SPMAP2: variants seen among roughly 807,000 people sequenced by gnomAD.
SPMAP2 encodes the protein sperm microtubule associated protein 2, also known as Theg homolog.
the SPMAP2 span, chr19:373,417 C>G: frequency 6.3e-7 from 1 of 1,589,002 alleles, no homozygotes; most frequent in Non-Finnish European, 8.6e-7. Context: ...GGCAGGTTCC[C>G]TGGAGGCCGG....
At chr19:371,758 G>A in the SPMAP2 span, among the ~76,000 whole-genome samples, 1 of 152,212 alleles carries the variant, frequency 6.6e-6, no homozygotes, top group Non-Finnish European at 1.5e-5. Context: ...GCTGGGGAAA[G>A]CGAAGGACAG....
At chr19:371,551 A>G in the SPMAP2 span, among the ~76,000 whole-genome samples, 7 of 152,224 alleles carry the variant, frequency 4.6e-5, no homozygotes, top group African/African-American at 1.7e-4. Flanking sequence ...AATTTCTAAG[A>G]GTTCTCAAGT....
the SPMAP2 span, among the ~76,000 whole-genome samples, chr19:371,760 G>A: frequency 5.9e-5 from 9 of 152,216 alleles, no homozygotes; most frequent in African/African-American, 1.2e-4. Context: ...TGGGGAAAGC[G>A]AAGGACAGCT....
chr19:374,413 G>A, the SPMAP2 span: 1 of 1,613,958 alleles, frequency 6.2e-7, no homozygotes, highest in African/African-American at 1.3e-5. Context: ...CTGGCTGATG[G>A]ACAGCCGGCT....
At chr19:373,398 A>G in the SPMAP2 span, 16 of 1,453,248 alleles carry the variant, frequency 1.1e-5, no homozygotes, top group Non-Finnish European at 1.5e-5. Context: ...AAGTATCTAG[A>G]TGGGGCGGGG....
the SPMAP2 span, among the ~76,000 whole-genome samples, chr19:371,633 A>G: frequency 1.3e-5 from 2 of 152,108 alleles, no homozygotes; most frequent in Non-Finnish European, 2.9e-5. Context: ...GGCCTTCTCC[A>G]TTCCCTTCTG....
the SPMAP2 span, among the ~76,000 whole-genome samples, chr19:363,440 G>A: frequency 6.1e-3 from 933 of 152,172 alleles, 8 homozygotes; most frequent in African/African-American, 0.021. Context: ...CGATCCGCCC[G>A]CCTCAGCCTC....
At chr19:374,104 AG>A in the SPMAP2 span, 2 of 1,489,216 alleles carry the variant, frequency 1.3e-6, no homozygotes, top group South Asian at 1.2e-5. Flanking sequence ...CACCGCCCAG[AG>A]GGCCACCGTT....
the SPMAP2 span, chr19:374,494 G>A: frequency 2.2e-5 from 35 of 1,595,512 alleles, no homozygotes; most frequent in Non-Finnish European, 2.8e-5. Flanking sequence ...AGAGAAGCGT[G>A]GGTCTTGCTC....
chr19:372,581 T>TCCCC, the SPMAP2 span: 1 of 1,577,956 alleles, frequency 6.3e-7, no homozygotes, highest in Non-Finnish European at 8.7e-7. Flanking sequence ...AATAAGGCAT[T>TCCCC]TCTGCCAAAC....
chr19:367,555 T>C, the SPMAP2 span, among the ~76,000 whole-genome samples: 2 of 152,190 alleles, frequency 1.3e-5, no homozygotes, highest in African/African-American at 2.4e-5. Context: ...CTCACAAATT[T>C]GGCAACAATG....
chr19:366,119 G>A, the SPMAP2 span, among the ~76,000 whole-genome samples: 26 of 151,700 alleles, frequency 1.7e-4, no homozygotes, highest in Middle Eastern at 6.8e-3. Flanking sequence ...CAGCCTGGGC[G>A]ACAGAGCAAG....
the SPMAP2 span, among the ~76,000 whole-genome samples, chr19:375,056 T>TATTA: frequency 6.6e-6 from 1 of 151,944 alleles, no homozygotes; most frequent in African/African-American, 2.4e-5. Flanking sequence ...GAAACCACGG[T>TATTA]GAGAAGGGGG....
the SPMAP2 span, chr19:374,410 A>T: frequency 6.2e-7 from 1 of 1,613,972 alleles, no homozygotes; most frequent in Non-Finnish European, 8.5e-7. Flanking sequence ...CTTCTGGCTG[A>T]TGGACAGCCG....
the SPMAP2 span, chr19:371,170 G>T: frequency 2.3e-6 from 3 of 1,288,898 alleles, no homozygotes; most frequent in Non-Finnish European, 3.1e-6. Context: ...AGCCCGCCTG[G>T]CGGGGGTGAG....
At chr19:366,543 G>A in the SPMAP2 span, among the ~76,000 whole-genome samples, 14 of 152,158 alleles carry the variant, frequency 9.2e-5, no homozygotes, top group African/African-American at 3.1e-4. Flanking sequence ...CCCCATAAGC[G>A]AAGTTAAAAG....
the SPMAP2 span, among the ~76,000 whole-genome samples, chr19:370,693 C>T: frequency 1.3e-5 from 2 of 152,298 alleles, no homozygotes; most frequent in East Asian, 3.9e-4. Flanking sequence ...CTGGAAGCCA[C>T]CCAAATACCC....
At chr19:363,694 C>T in the SPMAP2 span, among the ~76,000 whole-genome samples, 1,501 of 150,062 alleles carry the variant, frequency 0.01, 23 homozygotes, top group African/African-American at 0.034. Flanking sequence ...CCACCACGCC[C>T]GACTAATTTT....
the SPMAP2 span, among the ~76,000 whole-genome samples, chr19:365,322 T>C: frequency 6.6e-6 from 1 of 152,214 alleles, no homozygotes. Context: ...AGTGGGGCCC[T>C]GGTGACCCTA....
Sources: allele counts gnomAD v4.1 joint callset (sites outside exome capture counted in the v4.1 genomes callset), GRCh38; gene constraint gnomAD v4.1.1; transcripts MANE v1.5; gene names NCBI Gene and HGNC (gene_info 2026-07-23, HGNC 2026-07-21).